The following MYRFL variants were observed in gnomAD, a reference collection of about 807,000 sequenced individuals.
The protein encoded by MYRFL is myelin regulatory factor like, also known as myelin regulatory factor-like protein.
A neutral mutation model predicts 109.4 loss-of-function variants in MYRFL; 88 were observed. That is an observed-to-expected ratio of 0.80 (90% confidence interval 0.68 to 0.96). MYRFL has a LOEUF of 0.96. Among genes scored for constraint, MYRFL ranks in the 40% least tolerant of loss-of-function variants. The pLI, the probability that MYRFL is intolerant of heterozygous loss-of-function variation, is 0.00. For synonymous variants in MYRFL, 324 were observed against 320.9 expected, an observed-to-expected ratio of 1.01 and a Z score of -0.10; for missense variants, 957 against 954.9, an observed-to-expected ratio of 1.00 and a Z score of -0.03.
chr12:69,891,218 A>G (rs1737823489), intron 7 of MYRFL, 52 bp downstream of exon 7: 2 of 1,296,564 alleles, frequency 1.5e-6, no homozygotes. Flanking sequence ...ATTTTGTTTC[A>G]GTTGTCTATT....
chr12:69,913,152 G>T (rs1294647853), intron 13 of MYRFL, among the ~76,000 whole-genome samples: 1 of 151,732 alleles, frequency 6.6e-6, no homozygotes, highest in Non-Finnish European at 1.5e-5. Flanking sequence ...TTTTGACTTG[G>T]GTTGTTTACT....
Position 69,958,380 on chromosome 12 carries a change from A to G in MYRFL, c.2646+57A>G, listed in dbSNP as rs942550906. The G allele has an allele frequency of 2.6e-6, 4 of 1,520,132 alleles. 1 individual carries two copies. Among genetic ancestry groups the G allele is most frequent in the Non-Finnish European group, 3.5e-6 (4 of 1,140,074 alleles). 94.2% of individuals were successfully genotyped at this position (1,520,132 alleles called of 1,614,324 possible). ...AGAAAGAAATTGAGCAATAAAAAAAAATCACTTTAACCACAGTTAATTTTT... is the reference window on the plus strand; with the variant it reads ...AGAAAGAAATTGAGCAATAAAAAAAGATCACTTTAACCACAGTTAATTTTT... On this transcript the variant is annotated intron_variant, in intron 24 of 24. Transcript: ENST00000552032.
intron 10 of MYRFL, among the ~76,000 whole-genome samples, chr12:69,902,793 A>T (rs569837550): frequency 1.3e-5 from 2 of 152,352 alleles, no homozygotes; most frequent in South Asian, 4.1e-4. Flanking sequence ...ACATTCTTTG[A>T]CAAAGAATTT....
chr12:69,863,226 C>G (rs1203875798), intron 2 of MYRFL, among the ~76,000 whole-genome samples: 1 of 152,070 alleles, frequency 6.6e-6, no homozygotes, highest in Non-Finnish European at 1.5e-5. Context: ...TTGGTTGTGT[C>G]TCTGCCCGGC....
In MYRFL at chr12:69,829,057, A is replaced by G. The variant is rs574646022; in HGVS notation, c.46+3494A>G. The stretch of plus-strand genomic sequence containing the variant: ...GGAAAAGTATGCCGTGGGAAAAACT[A>G]CATACTAAGATCACAAGTAAAAGCT... On this transcript the variant is annotated intron_variant, in intron 1 of 24. Transcript: ENST00000552032. Among the ~76,000 whole-genome samples the G allele has an allele frequency of 7.2e-4, 109 of 152,168 alleles. No individual in the cohort carries two copies. The Middle Eastern group carries it at 0.014, about 19-fold the overall frequency.
chr12:69,956,024 T>TTAA (rs1337976567), intron 22 of MYRFL, among the ~76,000 whole-genome samples: 2 of 152,146 alleles, frequency 1.3e-5, no homozygotes, highest in Admixed American at 6.6e-5. Context: ...GTGAGAATTA[T>TTAA]TAATAATGGT....
At chr12:69,896,156 T>G (rs1953986561) in intron 9 of MYRFL, among the ~76,000 whole-genome samples, 1 of 152,202 alleles carries the variant, frequency 6.6e-6, no homozygotes, top group South Asian at 2.1e-4. Context: ...CGGGTGACCT[T>G]GGGCATATAA....
Position 69,947,439 on chromosome 12 carries a change from C to T in MYRFL, c.2225-4674C>T, listed in dbSNP as rs117184558. ...AGAAAGGTTATCTCTCCCTCTCCCC[C>T]TCACTTAATAAAAAGTTTGGGTAAG... On this transcript the variant is annotated intron_variant, in intron 19 of 24. Transcript: ENST00000552032. 7.9e-5 allele frequency among the ~76,000 whole-genome samples: 12 copies of T among 152,246 alleles called. No individual in the cohort carries two copies. In the East Asian group the frequency reaches 1.7e-3, roughly 22 times the overall value.
chr12:69,890,732 C>CA (rs1384073768), intron 6 of MYRFL, among the ~76,000 whole-genome samples: 1 of 151,658 alleles, frequency 6.6e-6, no homozygotes, highest in Non-Finnish European at 1.5e-5. Flanking sequence ...AAGACTGTCT[C>CA]AAAAAAAGAA....
chr12:69,825,836 C>T (rs998886157), intron 1 of MYRFL, among the ~76,000 whole-genome samples: 1 of 151,992 alleles, frequency 6.6e-6, no homozygotes, highest in Non-Finnish European at 1.5e-5. Flanking sequence ...TTACTTGTCC[C>T]TGTCCTGTAC....
intron 2 of MYRFL, among the ~76,000 whole-genome samples, chr12:69,874,037 C>T (rs1565986081): frequency 6.6e-6 from 1 of 152,084 alleles, no homozygotes; most frequent in Non-Finnish European, 1.5e-5. Flanking sequence ...AATGTAGAAC[C>T]ATCAACAATG....
intron 5 of MYRFL, among the ~76,000 whole-genome samples, chr12:69,884,801 A>G (rs573944141): frequency 6.6e-6 from 1 of 152,344 alleles, no homozygotes; most frequent in East Asian, 1.9e-4. Context: ...TACCAGTGGT[A>G]GACACTGTGC....
intron 1 of MYRFL, among the ~76,000 whole-genome samples, chr12:69,827,857 A>T (rs35827156): frequency 6.6e-6 from 1 of 152,098 alleles, no homozygotes; most frequent in African/African-American, 2.4e-5. Context: ...GGTTGAAAAC[A>T]GTTAATATAT....
At chr12:69,831,901 G>A (rs1263353653) in intron 1 of MYRFL, among the ~76,000 whole-genome samples, 1 of 152,080 alleles carries the variant, frequency 6.6e-6, no homozygotes, top group Non-Finnish European at 1.5e-5. Context: ...TGTTTTATTT[G>A]GGAAGAAAGA....
At chr12:69,887,895 G>C (rs1321591709) in intron 6 of MYRFL, among the ~76,000 whole-genome samples, 1 of 152,166 alleles carries the variant, frequency 6.6e-6, no homozygotes, top group Non-Finnish European at 1.5e-5. Flanking sequence ...ATTAGAAAAA[G>C]AAATGAGGGG....
chr12:69,956,922 T>C (rs11177995), intron 22 of MYRFL, among the ~76,000 whole-genome samples: 39,717 of 152,106 alleles, frequency 0.26, 5,896 homozygotes, highest in East Asian at 0.48. Flanking sequence ...CTCTAGCTTT[T>C]AGTGGAAGGA....
intron 10 of MYRFL, among the ~76,000 whole-genome samples, chr12:69,902,217 C>G (rs1954219135): frequency 1.3e-5 from 2 of 152,114 alleles, no homozygotes; most frequent in Admixed American, 6.6e-5. Flanking sequence ...TTCTGTTTAT[C>G]AAGTATCAAT....
intron 2 of MYRFL, among the ~76,000 whole-genome samples, chr12:69,869,331 T>C (rs1245824772): frequency 1.3e-5 from 2 of 152,186 alleles, no homozygotes; most frequent in Non-Finnish European, 2.9e-5. Flanking sequence ...TGCATTTCCT[T>C]ATTGCCTGCA....
chr12:69,892,943 A>G (rs1566004187), intron 7 of MYRFL, among the ~76,000 whole-genome samples: 1 of 152,208 alleles, frequency 6.6e-6, no homozygotes, highest in Non-Finnish European at 1.5e-5. Context: ...GGACCCCATA[A>G]AAATATTGTT....
Sources: gnomAD v4.1 joint callset for allele counts (sites outside exome capture counted in the v4.1 genomes callset) on GRCh38, gnomAD v4.1.1 for gene constraint, MANE v1.5 for transcripts, NCBI Gene and HGNC (gene_info 2026-07-23, HGNC 2026-07-21) for gene names.